Variants in ZNF311 observed in about 807,000 individuals in gnomAD.
The protein encoded by ZNF311 is zinc finger protein zfp31.
Under a neutral mutation model 22.7 loss-of-function variants are expected in ZNF311, and 14 were observed. The observed-to-expected ratio is 0.62, with a 90% CI of 0.41 to 0.96. ZNF311 has a LOEUF of 0.96. Ranked by LOEUF, ZNF311 falls within the 40% of genes least tolerant of loss-of-function variation. The pLI, the probability that ZNF311 is intolerant of heterozygous loss-of-function variation, is 0.00. For missense variants in ZNF311, 731 were observed against 799.0 expected (o/e 0.91, Z 1.03); for synonymous variants, 250 against 275.3 (o/e 0.91, Z 0.91).
chr6:29,000,999 A>G (rs1275877330), intron 3 of ZNF311, among the ~76,000 whole-genome samples: 1 of 152,016 alleles, frequency 6.6e-6, no homozygotes, highest in Non-Finnish European at 1.5e-5. Flanking sequence ...GATGGTCTCC[A>G]TCTCCTGACA....
chr6:28,998,921 G>T (rs998962169), intron 5 of ZNF311, 83 bp from the exon 6 acceptor site: 4 of 872,054 alleles, frequency 4.6e-6, no homozygotes. Context: ...TGATCCTTCT[G>T]TTTGTATATG....
Position 29,003,502 on chromosome 6 carries a change from G to A in ZNF311, c.91+11C>T, listed in dbSNP as rs775512607. On this transcript the variant is annotated intron_variant, in intron 3 of 6. Transcript: ENST00000377179. ...GCCGTGACTCCTGCCACAATCTCCT[G>A]TGTATCTCACCGCTTTCCTGAGGGA... is the stretch of plus-strand genomic sequence containing the variant. The A allele has an allele frequency of 4.3e-6, 7 of 1,612,860 alleles. No homozygotes were observed. In the Admixed American group the frequency reaches 8.3e-5, roughly 19 times the overall value.
rs1395783225 is a variant in ZNF311 at position 29,004,104 on chromosome 6, G to A, written c.-150C>T. 2.5e-6 allele frequency: 4 copies of A among 1,573,942 alleles called. No individual in the cohort carries two copies. Among genetic ancestry groups the A allele is most frequent in the African/African-American group, 1.3e-5 (1 of 74,138 alleles). Reference sequence around the variant, plus strand: ...ATGTTTTGGTGGTGCCAGCCAAAGGGCCCTTCTTGACCCACAGTGCCGCTA... The same window carrying A: ...ATGTTTTGGTGGTGCCAGCCAAAGGACCCTTCTTGACCCACAGTGCCGCTA... On this transcript the variant is annotated 5_prime_UTR_variant, in exon 2 of 7. Coordinates refer to ENST00000377179, the MANE Select transcript of ZNF311 (RefSeq NM_001382360.1).
chr6:28,999,595 C>T lies in ZNF311; in HGVS notation c.202G>A (p.Asp68Asn). 1 of 1,612,690 alleles carries T rather than the reference C, an allele frequency of 6.2e-7. No individual in the cohort carries two copies. The highest frequency in any genetic ancestry group is 1.3e-5 in the African/African-American group (1 of 74,980). Residue 68 changes from aspartate (D) to asparagine (N), a missense_variant, in exon 5 of 7, where the codon GAT (aspartate) becomes AAT (asparagine). Physicochemically the swap from Asp to Asn is conservative, Grantham distance 23. Coordinates refer to ENST00000377179, the MANE Select transcript of ZNF311 (RefSeq NM_001382360.1). ...CTGTTAGTGAAGTTCACAGCTACATCCTCAAATGTCACTGACTCCTGAAAT... is the reference window on the plus strand; with the variant it reads ...CTGTTAGTGAAGTTCACAGCTACATTCTCAAATGTCACTGACTCCTGAAAT... ...SQAQESVTFE[D>N]VAVNFTNREW...
At chr6:28,999,919 T>C (rs368130495) in intron 4 of ZNF311, 37 bp downstream of exon 4, 1 of 1,589,752 alleles carries the variant, frequency 6.3e-7, no homozygotes. Context: ...GAGGTAGTGA[T>C]GTATTTTCAA....
Position 28,995,592 on chromosome 6 carries a change from A to G in ZNF311, c.1410T>C (p.Arg470=). The G allele has an allele frequency of 6.2e-7, 1 of 1,613,442 alleles. No homozygotes were observed. Among genetic ancestry groups the G allele is most frequent in the Non-Finnish European group, 8.5e-7 (1 of 1,179,976 alleles). ...CTTTCCCACACTCCTCACACCTGTAACGTTTCTCTTCAGTGTGGATCCTTC... is the reference window on the plus strand; with the variant it reads ...CTTTCCCACACTCCTCACACCTGTAGCGTTTCTCTTCAGTGTGGATCCTTC... ...KHRRIHTEEK[R]YRCEECGKAF... is the part of the protein sequence containing the mutation. The change falls in exon 7 of 7, where the codon CGT becomes CGC. Residue 470 remains arginine, a synonymous_variant. Coordinates refer to ENST00000377179, the MANE Select transcript of ZNF311 (RefSeq NM_001382360.1). This position sits in a 1 kb window ranked among gnomAD's most constrained non-coding sequence, Gnocchi z 4.7.
chr6:28,995,827 C>T lies in ZNF311; in HGVS notation c.1175G>A (p.Cys392Tyr). The change falls in exon 7 of 7, where the codon TGC becomes TAC. Residue 392 changes from cysteine to tyrosine, a missense_variant. By Grantham distance (194) the Cys-to-Tyr change is radical. Transcript: ENST00000377179. The surrounding 1 kb of genome is among the most constrained non-coding windows in gnomAD (Gnocchi z 4.7). ...TGAACTCCCACTGAAGGCCTTCCCG[C>T]ACTCCTCACATTCATATGGCTTCTC... ...TGEKPYECEE[C>Y]GKAFSGSSDL... The T allele has an allele frequency of 6.2e-7, 1 of 1,614,056 alleles. No homozygotes were observed. The highest frequency in any genetic ancestry group is 8.5e-7 in the Non-Finnish European group (1 of 1,180,014).
At chr6:28,999,429 A>T (rs531803213) in intron 5 of ZNF311, 58 bp downstream of exon 5, 1 of 1,469,052 alleles carries the variant, frequency 6.8e-7, no homozygotes, top group Non-Finnish European at 9.1e-7. Context: ...CAATAAATAA[A>T]TCAATTAAAT....
Position 29,003,558 on chromosome 6 carries a change from G to A in ZNF311, c.46C>T (p.Gln16Ter). Residue 16 changes from glutamine to a stop codon, truncating the protein, a stop_gained, in exon 3 of 7, where the codon CAG becomes TAG. Coordinates refer to ENST00000377179, the MANE Select transcript of ZNF311 (RefSeq NM_001382360.1). LOFTEE classifies it high-confidence loss of function. ...LLDESSGPPSQLLWTRQDTQL... is the reference protein window; with the variant it reads ...LLDESSGPPS ...GTATCCTGGCGGGTCCAAAGCAGCT[G>A]GCTTGGTGGTCCTGAACTCTCATCC... is the stretch of plus-strand genomic sequence containing the variant. The A allele has an allele frequency of 6.2e-7, 1 of 1,612,972 alleles. No individual in the cohort carries two copies. The highest frequency in any genetic ancestry group is 8.5e-7 in the Non-Finnish European group (1 of 1,180,022).
intron 6 of ZNF311, 30 bp downstream of exon 6, chr6:28,998,704 G>C: frequency 6.8e-7 from 1 of 1,469,070 alleles, no homozygotes; most frequent in Non-Finnish European, 9.5e-7. Flanking sequence ...TGGAAGATCA[G>C]AGGGAACTGA....
Position 29,003,503 on chromosome 6 carries a change from T to G in ZNF311, c.91+10A>C, listed in dbSNP as rs763083943. 36 of 1,612,966 alleles carry G rather than the reference T, an allele frequency of 2.2e-5. No homozygotes were observed. Among genetic ancestry groups the G allele is most frequent in the Non-Finnish European group, 3.1e-5 (36 of 1,179,920 alleles). On this transcript the variant is annotated intron_variant, in intron 3 of 6. Transcript: ENST00000377179. Reference sequence around the variant, plus strand: ...CCGTGACTCCTGCCACAATCTCCTGTGTATCTCACCGCTTTCCTGAGGGAG... The same window carrying G: ...CCGTGACTCCTGCCACAATCTCCTGGGTATCTCACCGCTTTCCTGAGGGAG...
At chr6:29,002,340 A>T (rs1025762683) in intron 3 of ZNF311, among the ~76,000 whole-genome samples, 15 of 152,176 alleles carry the variant, frequency 9.9e-5, no homozygotes, top group African/African-American at 3.6e-4. Flanking sequence ...AGCAATAGCT[A>T]TTATTTTTTA....
Position 28,995,138 on chromosome 6 carries a change from C to G in ZNF311, c.1864G>C (p.Val622Leu). ...TTATGTCCAGTAAGATTTGAGCTCA[C>G]TCTAAAAGCTTTTCCACATTCCTCA... ...ECEECGKAFRVSSNLTGHKKR... is the reference protein window; with the variant it reads ...ECEECGKAFRLSSNLTGHKKR... The change falls in exon 7 of 7, where the codon GTG becomes CTG. Residue 622 changes from valine to leucine, a missense_variant. Transcript: ENST00000377179. This position sits in a 1 kb window ranked among gnomAD's most constrained non-coding sequence, Gnocchi z 4.7. The G allele has an allele frequency of 6.2e-7, 1 of 1,614,050 alleles. No individual in the cohort carries two copies. Among genetic ancestry groups the G allele is most frequent in the Non-Finnish European group, 8.5e-7 (1 of 1,180,044 alleles).
Position 28,997,564 on chromosome 6 carries a change from C to A in ZNF311, c.416-978G>T, listed in dbSNP as rs139553544. On this transcript the variant is annotated intron_variant, in intron 6 of 6. Coordinates refer to ENST00000377179, the MANE Select transcript of ZNF311 (RefSeq NM_001382360.1). ...TGCTATATCCCTCAAACATCCTTTA[C>A]CCTGAATCCCTTCTAATCCATCCTC... 1.6e-3 allele frequency among the ~76,000 whole-genome samples: 243 copies of A among 152,296 alleles called. 2 individuals carry two copies. The highest frequency in any genetic ancestry group is 5.6e-3 in the African/African-American group (231 of 41,538).
chr6:29,001,275 T>C (rs987981520), intron 3 of ZNF311, among the ~76,000 whole-genome samples: 4 of 152,230 alleles, frequency 2.6e-5, no homozygotes. Context: ...TAAGATTTTA[T>C]AATCACCCTT....
chr6:28,995,452 T>C lies in ZNF311; in HGVS notation c.1550A>G (p.His517Arg). The change falls in exon 7 of 7, where the codon CAT becomes CGT. Residue 517 changes from histidine to arginine, a missense_variant. Physicochemically the swap from His to Arg is conservative, Grantham distance 29. Transcript: ENST00000377179. The surrounding 1 kb of genome is among the most constrained non-coding windows in gnomAD (Gnocchi z 4.7). ...TFQDKHCLTI[H>R]QRIHTGEKPY... Reference sequence around the variant, plus strand: ...TTTCTCTCCAGTGTGGATTCTCTGATGGATGGTAAGGCAGTGCTTATCTTG... The same window carrying C: ...TTTCTCTCCAGTGTGGATTCTCTGACGGATGGTAAGGCAGTGCTTATCTTG... The C allele has an allele frequency of 2.5e-6, 4 of 1,613,202 alleles. No homozygotes were observed. The highest frequency in any genetic ancestry group is 3.4e-6 in the Non-Finnish European group (4 of 1,179,584).
chr6:28,996,666 G>A, intron 6 of ZNF311, 80 bp from the exon 7 acceptor site: 2 of 1,464,586 alleles, frequency 1.4e-6, no homozygotes, highest in South Asian at 2.8e-5. Context: ...GCTGTTTGAA[G>A]AGTAAATAAC....
Position 28,994,905 on chromosome 6 carries a change from A to G in ZNF311, c.*96T>C. 1 of 1,360,026 alleles carries G rather than the reference A, an allele frequency of 7.4e-7. No homozygotes were observed. The highest frequency in any genetic ancestry group is 1.6e-5 in the South Asian group (1 of 64,416). The allele number at this position is 1,360,026 out of a possible 1,614,324, so 84.2% of individuals were successfully genotyped here. ...GACAATGTCTTTGGGGAATCTCACA[A>G]TTAAGGGTCAGGAAATCAGGAATAA... On this transcript the variant is annotated 3_prime_UTR_variant, in exon 7 of 7. Coordinates refer to ENST00000377179, the MANE Select transcript of ZNF311 (RefSeq NM_001382360.1).
In ZNF311 at chr6:28,996,745, T is replaced by C. The variant is rs192250602; in HGVS notation, c.416-159A>G. ...GAACAGGCTGAAATAATGAAAAGTATTGAGATATTTTACACTCAGCACACT... is the reference window on the plus strand; with the variant it reads ...GAACAGGCTGAAATAATGAAAAGTACTGAGATATTTTACACTCAGCACACT... On this transcript the variant is annotated intron_variant, in intron 6 of 6. Transcript: ENST00000377179. 5.7e-3 allele frequency among the ~76,000 whole-genome samples: 866 copies of C among 152,352 alleles called. 4 individuals are homozygous for C. Among genetic ancestry groups the C allele is most frequent in the African/African-American group, 0.016 (648 of 41,572 alleles).
Sources: allele counts gnomAD v4.1 joint callset (sites outside exome capture counted in the v4.1 genomes callset), GRCh38; gene constraint gnomAD v4.1.1; non-coding constraint Gnocchi (gnomAD v3.1); transcripts MANE v1.5; gene names NCBI Gene and HGNC (gene_info 2026-07-23, HGNC 2026-07-21).